The following IPCEF1 variants were observed in gnomAD, a reference collection of about 807,000 sequenced individuals.
IPCEF1 encodes interactor protein for cytohesin exchange factors 1.
IPCEF1 carries 31 observed loss-of-function variants against 50.9 expected under a neutral mutation model. That is an observed-to-expected ratio of 0.61 (90% CI 0.46 to 0.82). IPCEF1 has a LOEUF of 0.82. Ranked by LOEUF, IPCEF1 falls within the 40% of genes least tolerant of loss-of-function variation. The probability of loss-of-function intolerance (pLI) is 0.00; values close to 1 mark genes in which losing one functional copy is unlikely to be tolerated. For synonymous variants in IPCEF1, 181 were observed against 192.0 expected, an observed-to-expected ratio of 0.94 and a Z score of 0.47; for missense variants, 458 against 514.0, an observed-to-expected ratio of 0.89 and a Z score of 1.05.
At chr6:154,229,076 T>C (rs1034714769) in intron 5 of IPCEF1, among the ~76,000 whole-genome samples, 6 of 152,204 alleles carry the variant, frequency 3.9e-5, no homozygotes, top group African/African-American at 1.2e-4. Flanking sequence ...GGTGCCCCCA[T>C]GTCTGCCTCC....
At position 154,180,414 on chromosome 6, in the gene IPCEF1, A is replaced by ATATATTTTTT. The variant is rs1241250621; in HGVS notation, c.911-12302_911-12301insAAAAAATATA. Among the ~76,000 whole-genome samples, 585 of 65,004 alleles carry ATATATTTTTT rather than the reference A, an allele frequency of 9.0e-3. 3 individuals carry two copies. The highest frequency in any genetic ancestry group is 0.022 in the African/African-American group (451 of 20,654). The allele number at this position is 65,004 out of a possible 152,430, so 42.6% of individuals were successfully genotyped here. A position where few individuals can be genotyped will look rare whatever the true frequency, so the allele number is the denominator to read the frequency against. On this transcript the variant is annotated intron_variant, in intron 10 of 11. Transcript: ENST00000367220. The stretch of plus-strand genomic sequence containing the variant: ...TATATATATATATATATATATATAT[A>ATATATTTTTT]TTTTTTTTTTAAACATGATCCTTCT...
rs553290140 is a variant in IPCEF1 at position 154,301,072 on chromosome 6, C to G, written c.-61-11316G>C. On this transcript the variant is annotated intron_variant, in intron 1 of 11. Transcript: ENST00000367220. The stretch of plus-strand genomic sequence containing the variant: ...AGTCAATTATCTTGGCACATACACC[C>G]AAAAGTTATATTAATCACCCTTAAA... Among the ~76,000 whole-genome samples the G allele has an allele frequency of 2.1e-4, 32 of 152,312 alleles. 1 individual carries two copies. Among genetic ancestry groups the G allele is most frequent in the African/African-American group, 6.7e-4 (28 of 41,564 alleles).
chr6:154,340,171 G>A (rs1442112165), intron 1 of IPCEF1, among the ~76,000 whole-genome samples: 1 of 152,140 alleles, frequency 6.6e-6, no homozygotes. Context: ...CCGTGACACA[G>A]CCTTAGGAAG....
At chr6:154,335,877 T>C (rs1381542056) in intron 1 of IPCEF1, among the ~76,000 whole-genome samples, 1 of 151,954 alleles carries the variant, frequency 6.6e-6, no homozygotes, top group African/African-American at 2.4e-5. Context: ...AAATGACCAA[T>C]AGATATATTA....
chr6:154,300,926 A>G (rs1782775662), intron 1 of IPCEF1, among the ~76,000 whole-genome samples: 1 of 152,240 alleles, frequency 6.6e-6, no homozygotes, highest in South Asian at 2.1e-4. Context: ...GAAGAGCTAC[A>G]GACCAGCTAT....
chr6:154,210,607 A>G (rs777739411), intron 9 of IPCEF1, among the ~76,000 whole-genome samples: 8 of 152,238 alleles, frequency 5.3e-5, no homozygotes, highest in Non-Finnish European at 8.8e-5. Flanking sequence ...AGGTCTGAAG[A>G]TATCATTAAG....
chr6:154,224,233 T>C (rs1173562167), intron 5 of IPCEF1, among the ~76,000 whole-genome samples: 5 of 152,242 alleles, frequency 3.3e-5, no homozygotes, highest in Admixed American at 6.5e-5. Flanking sequence ...GTTAGTGCCA[T>C]GGGTGCTTTC....
At chr6:154,297,463 C>A (rs1201765138) in intron 1 of IPCEF1, among the ~76,000 whole-genome samples, 1 of 152,232 alleles carries the variant, frequency 6.6e-6, no homozygotes, top group Non-Finnish European at 1.5e-5. Flanking sequence ...TGCTATTGGG[C>A]AGCCTACATT....
At chr6:154,246,865 A>AC (rs1781082797) in intron 4 of IPCEF1, 105 bp from the exon 5 acceptor site, 2 of 1,254,912 alleles carry the variant, frequency 1.6e-6, no homozygotes, top group Non-Finnish European at 2.1e-6. Context: ...TTAATTGTTA[A>AC]CCCCCCGGGG....
Position 154,212,750 on chromosome 6 carries a change from C to T in IPCEF1, c.537+20G>A. On this transcript the variant is annotated intron_variant, in intron 9 of 11. Transcript: ENST00000367220. Reference sequence around the variant, plus strand: ...ACATGTCTGATCGATGACCAACAGACTACTTATGTCGGTACATACCAAAGA... The same window carrying T: ...ACATGTCTGATCGATGACCAACAGATTACTTATGTCGGTACATACCAAAGA... 6.6e-7 allele frequency: 1 copy of T among 1,523,404 alleles called. No individual in the cohort carries two copies. The highest frequency in any genetic ancestry group is 9.1e-7 in the Non-Finnish European group (1 of 1,097,776). 94.4% of individuals were successfully genotyped at this position (1,523,404 alleles called of 1,614,324 possible). A position where few individuals can be genotyped will look rare whatever the true frequency, so the allele number is the denominator to read the frequency against.
chr6:154,179,149 G>C (rs574926036), intron 10 of IPCEF1, among the ~76,000 whole-genome samples: 3 of 152,092 alleles, frequency 2.0e-5, no homozygotes, highest in Non-Finnish European at 4.4e-5. Context: ...TGATAAGTAG[G>C]ATCACAGGAC....
chr6:154,211,845 T>C (rs887857358), intron 9 of IPCEF1, among the ~76,000 whole-genome samples: 1 of 152,114 alleles, frequency 6.6e-6, no homozygotes, highest in African/African-American at 2.4e-5. Flanking sequence ...GACTAACACA[T>C]AGAATAATAA....
chr6:154,182,981 T>C (rs1011451775), intron 10 of IPCEF1, among the ~76,000 whole-genome samples: 1 of 134,780 alleles, frequency 7.4e-6, no homozygotes, highest in Non-Finnish European at 1.6e-5. Context: ...CCTTATCTTT[T>C]TTTTTTCTTT....
At chr6:154,302,594 C>T (rs990076115) in intron 1 of IPCEF1, among the ~76,000 whole-genome samples, 2 of 152,144 alleles carry the variant, frequency 1.3e-5, no homozygotes, top group Non-Finnish European at 2.9e-5. Context: ...CTCACCTCAG[C>T]CCCCCGAGTA....
At chr6:154,265,795 G>A in intron 3 of IPCEF1, 117 bp downstream of exon 3, 1 of 720,052 alleles carries the variant, frequency 1.4e-6, no homozygotes. Context: ...TGGTTCTACT[G>A]TGGCTAATGA....
chr6:154,221,310 A>G lies in IPCEF1; in HGVS notation c.339T>C (p.His113=), dbSNP rs546290444. 3.7e-6 allele frequency: 6 copies of G among 1,613,942 alleles called. No homozygotes were observed. In the African/African-American group the frequency reaches 4.0e-5, roughly 11 times the overall value. The change falls in exon 7 of 12, where the codon CAT becomes CAC. Residue 113 remains histidine, a synonymous_variant. Transcript: ENST00000367220. ...CKKKHAFKIS[H]PQIKTFYFAA... ...CAAAATAAAAGGTCTTGATCTGTGG[A>G]TGGCTGATCTTAAAAGCACTTGAAG... is the stretch of plus-strand genomic sequence containing the variant.
At chr6:154,281,184 CAAAAAA>C (rs35597942) in intron 2 of IPCEF1, among the ~76,000 whole-genome samples, 962 of 59,162 alleles carry the variant, frequency 0.016, 16 homozygotes, top group African/African-American at 0.04. Context: ...TACTAAAATA[CAAAAAA>C]AAAAAAAAAA....
chr6:154,298,022 G>C (rs548047163), intron 1 of IPCEF1, among the ~76,000 whole-genome samples: 1 of 152,254 alleles, frequency 6.6e-6, no homozygotes, highest in Non-Finnish European at 1.5e-5. Context: ...AACATTTTCA[G>C]TGTTTGAAAA....
chr6:154,176,631 C>A (rs9371329), intron 10 of IPCEF1, among the ~76,000 whole-genome samples: 7,468 of 152,176 alleles, frequency 0.049, 305 homozygotes, highest in South Asian at 0.19. Flanking sequence ...AGGACCTCCT[C>A]AAGGAGAACT....
Sources: gnomAD v4.1 joint callset for allele counts (sites outside exome capture counted in the v4.1 genomes callset) on GRCh38, gnomAD v4.1.1 for gene constraint, MANE v1.5 for transcripts, NCBI Gene and HGNC (gene_info 2026-07-23, HGNC 2026-07-21) for gene names.